The following SRSF11 variants were observed in gnomAD, a reference collection of about 807,000 sequenced individuals.
SRSF11 encodes serine and arginine rich splicing factor 11, also known as serine/arginine-rich splicing factor 11.
SRSF11 carries 9 observed loss-of-function variants against 56.0 expected under a neutral mutation model. The ratio of observed to expected loss-of-function variants is 0.16; its 90% CI spans 0.10 to 0.28. The LOEUF (loss-of-function observed/expected upper bound fraction) is 0.28, where lower values mean the gene tolerates loss of function less well. Among genes scored for constraint, SRSF11 ranks in the 10% least tolerant of loss-of-function variants. SRSF11 has a pLI of 1.00. For synonymous variants in SRSF11, 222 were observed against 215.3 expected, an observed-to-expected ratio of 1.03 and a Z score of -0.27; for missense variants, 421 against 600.7, an observed-to-expected ratio of 0.70 and a Z score of 3.13.
Position 70,235,540 on chromosome 1 carries a change from G to A in SRSF11, c.580G>A (p.Val194Ile). ...ADQLLKLMST[V>I]DPKLNHVAAG... is the part of the protein sequence containing the mutation. ...TCAGTTGCTGAAGCTTATGAGTACTGTTGATCCCAAGTAAGCGTTTTTTCT... is the reference window on the plus strand; with the variant it reads ...TCAGTTGCTGAAGCTTATGAGTACTATTGATCCCAAGTAAGCGTTTTTTCT... Residue 194 changes from valine to isoleucine, a missense_variant, in exon 5 of 12, where the codon GTT becomes ATT. By Grantham distance (29) the Val-to-Ile change is conservative. Coordinates refer to ENST00000370949, the MANE Select transcript of SRSF11 (RefSeq NM_001350605.2). 1 of 1,611,390 alleles carries A rather than the reference G, an allele frequency of 6.2e-7. No homozygotes were observed. Among genetic ancestry groups the A allele is most frequent in the Non-Finnish European group, 8.5e-7 (1 of 1,179,358 alleles).
intron 7 of SRSF11, among the ~76,000 whole-genome samples, chr1:70,242,039 C>T (rs773680110): frequency 5.7e-4 from 86 of 152,100 alleles, no homozygotes; most frequent in Non-Finnish European, 1.0e-3. Context: ...TGGTGGCGCG[C>T]GCAGCTGTAA....
chr1:70,240,300 CATT>C (rs1007143977), intron 7 of SRSF11, among the ~76,000 whole-genome samples: 3 of 152,024 alleles, frequency 2.0e-5, no homozygotes, highest in African/African-American at 7.2e-5. Flanking sequence ...ATAAAAGTGG[CATT>C]ATTTTTTTCT....
chr1:70,232,217 T>G, intron 2 of SRSF11, 51 bp from the exon 3 acceptor site: 1 of 1,613,860 alleles, frequency 6.2e-7, no homozygotes. Context: ...TTTTTGTGTG[T>G]TTTCTGTCTT....
chr1:70,212,694 A>G (rs1197172840), intron 1 of SRSF11, among the ~76,000 whole-genome samples: 1 of 152,188 alleles, frequency 6.6e-6, no homozygotes, highest in Non-Finnish European at 1.5e-5. Context: ...TTAACTGTTT[A>G]TAGGGTAGGT....
rs1031287076 is a variant in SRSF11 at position 70,221,407 on chromosome 1, C to A, written c.-230C>A. 2 of 540,048 alleles carry A rather than the reference C, an allele frequency of 3.7e-6. No individual in the cohort carries two copies. Among genetic ancestry groups the A allele is most frequent in the Non-Finnish European group, 6.4e-6 (2 of 311,750 alleles). The allele number at this position is 540,048 out of a possible 1,614,324, so 33.5% of individuals were successfully genotyped here. The stretch of plus-strand genomic sequence containing the variant: ...TGTCGTGGTTGGAGGCGAGGTGGGG[C>A]GGCCGTTTGTTTTCTCGTGGTCTCG... On this transcript the variant is annotated 5_prime_UTR_variant, in exon 1 of 12. Coordinates refer to ENST00000370949, the MANE Select transcript of SRSF11 (RefSeq NM_001350605.2).
At chr1:70,205,789 G>T (rs1668948757) in intron 1 of SRSF11, 2 of 429,248 alleles carry the variant, frequency 4.7e-6, no homozygotes, top group Non-Finnish European at 8.5e-6. Context: ...AAGTAAGTGC[G>T]TTTAACGGGC....
chr1:70,206,284 C>T (rs2100389174), intron 1 of SRSF11, among the ~76,000 whole-genome samples: 1 of 152,296 alleles, frequency 6.6e-6, no homozygotes, highest in Middle Eastern at 3.4e-3. Context: ...GTTCAAATCT[C>T]AGCTGCTTCT....
intron 7 of SRSF11, among the ~76,000 whole-genome samples, chr1:70,243,281 A>G (rs920680600): frequency 1.5e-4 from 21 of 141,448 alleles, no homozygotes; most frequent in African/African-American, 4.9e-4. Flanking sequence ...AGTCCTGACT[A>G]TACATGGGTT....
intron 3 of SRSF11, 55 bp downstream of exon 3, chr1:70,232,432 A>G (rs766125233): frequency 2.6e-5 from 36 of 1,371,026 alleles, no homozygotes; most frequent in Admixed American, 4.1e-5. Context: ...ATTGTGCATA[A>G]AGCTAAACAT....
At chr1:70,218,581 A>ATT (rs1670228822), upstream of SRSF11, 2 of 152,220 alleles carry the variant, frequency 1.3e-5, no homozygotes, top group South Asian at 4.1e-4. Context: ...ATTTATGTGT[A>ATT]CCCATCACAG....
intron 1 of SRSF11, among the ~76,000 whole-genome samples, chr1:70,208,325 G>GGTGTGTGTGTGTGT (rs112343589): frequency 1.5e-4 from 22 of 148,744 alleles, no homozygotes; most frequent in African/African-American, 4.9e-4. Context: ...TACAGTGTAT[G>GGTGTGTGTGTGTGT]GTGTGTGTGT....
At chr1:70,234,288 G>A (rs1188053958) in intron 3 of SRSF11, among the ~76,000 whole-genome samples, 1 of 152,194 alleles carries the variant, frequency 6.6e-6, no homozygotes, top group Non-Finnish European at 1.5e-5. Context: ...GCCTCCGGTA[G>A]CACAAAACAG....
chr1:70,227,126 G>A (rs569090797), intron 1 of SRSF11, among the ~76,000 whole-genome samples: 1 of 152,254 alleles, frequency 6.6e-6, no homozygotes, highest in Non-Finnish European at 1.5e-5. Flanking sequence ...GTTAGTGTTT[G>A]AGTTGTGATA....
chr1:70,224,837 G>C (rs1671421009), intron 1 of SRSF11, among the ~76,000 whole-genome samples: 1 of 152,090 alleles, frequency 6.6e-6, no homozygotes, highest in South Asian at 2.1e-4. Flanking sequence ...TTTTGATTCT[G>C]GTTGTTTCTG....
intron 8 of SRSF11, 128 bp downstream of exon 8, chr1:70,244,943 A>G (rs1676402207): frequency 2.3e-6 from 2 of 856,006 alleles, no homozygotes; most frequent in Non-Finnish European, 3.4e-6. Context: ...AGAAACTGTC[A>G]ATATTTGAGT....
intron 1 of SRSF11, among the ~76,000 whole-genome samples, chr1:70,209,740 C>CCTTTT (rs1669373589): frequency 3.6e-4 from 10 of 27,476 alleles, no homozygotes; most frequent in African/African-American, 1.2e-3. Flanking sequence ...CACCTCGCTT[C>CCTTTT]TTTTTTTTTT....
chr1:70,216,359 G>C (rs956583304), intron 1 of SRSF11, among the ~76,000 whole-genome samples: 1 of 150,740 alleles, frequency 6.6e-6, no homozygotes, highest in Non-Finnish European at 1.5e-5. Flanking sequence ...GTTATTTCTT[G>C]TGTTTCAAAA....
At chr1:70,219,157 C>CT (rs1343433395), upstream of SRSF11, among the ~76,000 whole-genome samples, 1 of 152,016 alleles carries the variant, frequency 6.6e-6, no homozygotes, top group Non-Finnish European at 1.5e-5. Flanking sequence ...ATTCCAAAAT[C>CT]TTTTTTAAAA....
upstream of SRSF11, among the ~76,000 whole-genome samples, chr1:70,219,829 C>T (rs915417115): frequency 6.6e-6 from 1 of 152,090 alleles, no homozygotes; most frequent in Non-Finnish European, 1.5e-5. Flanking sequence ...AGCCAGTTGG[C>T]TCTACACCCA....
Sources: allele counts gnomAD v4.1 joint callset (sites outside exome capture counted in the v4.1 genomes callset), GRCh38; gene constraint gnomAD v4.1.1; transcripts MANE v1.5; gene names NCBI Gene and HGNC (gene_info 2026-07-23, HGNC 2026-07-21).